Variants in RAI14 observed in about 807,000 individuals in gnomAD.
The protein encoded by RAI14 is ankycorbin.
In RAI14, 45 loss-of-function variants were observed where a neutral mutation model predicts 115.4. The observed-to-expected ratio is 0.39, with a 90% confidence interval of 0.31 to 0.50. The LOEUF is 0.50. Among genes scored for constraint, RAI14 ranks in the 20% least tolerant of loss-of-function variants. The pLI is 0.85. For synonymous variants in RAI14, 371 were observed against 415.4 expected, an observed-to-expected ratio of 0.89 and a Z score of 1.30; for missense variants, 939 against 1,131.2, an observed-to-expected ratio of 0.83 and a Z score of 2.44.
At chr5:34,715,289 C>T (rs1201593996) in intron 2 of RAI14, among the ~76,000 whole-genome samples, 4 of 152,002 alleles carry the variant, frequency 2.6e-5, no homozygotes, top group African/African-American at 4.8e-5. Flanking sequence ...TCATGGCACT[C>T]GTGGGGGAGT....
chr5:34,658,039 C>G (rs1473940824), intron 1 of RAI14, among the ~76,000 whole-genome samples: 1 of 152,188 alleles, frequency 6.6e-6, no homozygotes, highest in Non-Finnish European at 1.5e-5. Flanking sequence ...CAGTGCTTGT[C>G]TAACAGAGAT....
chr5:34,828,426 A>T (rs1249717892), intron 16 of RAI14, among the ~76,000 whole-genome samples: 1 of 152,194 alleles, frequency 6.6e-6, no homozygotes, highest in Non-Finnish European at 1.5e-5. Context: ...AGGAAGCCAG[A>T]TCAGAAGATA....
chr5:34,773,710 A>G (rs1172426892), intron 3 of RAI14, among the ~76,000 whole-genome samples: 1 of 152,230 alleles, frequency 6.6e-6, no homozygotes, highest in Non-Finnish European at 1.5e-5. Context: ...ATGAGATGTT[A>G]TCCTACCCCA....
chr5:34,699,874 G>A (rs1739825930), intron 2 of RAI14, among the ~76,000 whole-genome samples: 1 of 152,144 alleles, frequency 6.6e-6, no homozygotes, highest in Non-Finnish European at 1.5e-5. Context: ...AATTTCCAGT[G>A]GAAACTGACA....
chr5:34,699,184 A>G (rs870222), intron 2 of RAI14, among the ~76,000 whole-genome samples: 3,041 of 152,346 alleles, frequency 0.02, 98 homozygotes, highest in African/African-American at 0.069. Flanking sequence ...ACTAGGCATC[A>G]TTCTAAGCAA....
chr5:34,784,901 A>G (rs1300731144), intron 3 of RAI14, among the ~76,000 whole-genome samples: 1 of 152,224 alleles, frequency 6.6e-6, no homozygotes, highest in Non-Finnish European at 1.5e-5. Context: ...AATGTCCCCT[A>G]GTAATTTTTG....
chr5:34,686,611 T>C (rs1251654074), intron 1 of RAI14, among the ~76,000 whole-genome samples: 3 of 152,170 alleles, frequency 2.0e-5, no homozygotes, highest in African/African-American at 7.2e-5. Context: ...ACCATAAAAG[T>C]ATATACAATT....
intron 3 of RAI14, among the ~76,000 whole-genome samples, chr5:34,758,774 C>T (rs1202392286): frequency 6.6e-6 from 1 of 152,150 alleles, no homozygotes; most frequent in Admixed American, 6.5e-5. Context: ...AGGCATTGTT[C>T]GTGACTGCTC....
At chr5:34,742,448 T>C (rs1325869772) in intron 2 of RAI14, among the ~76,000 whole-genome samples, 2 of 152,226 alleles carry the variant, frequency 1.3e-5, no homozygotes, top group African/African-American at 4.8e-5. Flanking sequence ...CATACTTTTT[T>C]CAGACACCTA....
chr5:34,803,500 A>G lies in RAI14; in HGVS notation c.257-212A>G, dbSNP rs1754514921. Among the ~76,000 whole-genome samples, 3 of 152,208 alleles carry G rather than the reference A, an allele frequency of 2.0e-5. No homozygotes were observed. The South Asian group carries it at 6.2e-4, about 32-fold the overall frequency. ...TTAGCCTGGGAGGTTGAGGCTGCAG[A>G]GAGCCATGATCGCGTCACTGCATTC... On this transcript the variant is annotated intron_variant, in intron 4 of 17. Coordinates refer to ENST00000265109, the MANE Select transcript of RAI14 (RefSeq NM_015577.3).
chr5:34,750,948 G>T (rs1240056533), intron 2 of RAI14, among the ~76,000 whole-genome samples: 1 of 138,380 alleles, frequency 7.2e-6, no homozygotes, highest in African/African-American at 2.8e-5. Context: ...TGCCTCCCAG[G>T]TTCAAGTGAT....
intron 3 of RAI14, among the ~76,000 whole-genome samples, chr5:34,781,166 G>A (rs1418177086): frequency 1.5e-5 from 2 of 137,078 alleles, no homozygotes; most frequent in Non-Finnish European, 3.0e-5. Context: ...GGTGGGAATC[G>A]AACAATGAGA....
At chr5:34,668,415 G>A (rs188998252) in intron 1 of RAI14, among the ~76,000 whole-genome samples, 2,455 of 150,318 alleles carry the variant, frequency 0.016, 31 homozygotes, top group Non-Finnish European at 0.024. Flanking sequence ...AAAAAGGTGG[G>A]CCCCACGAAG....
At position 34,823,840 on chromosome 5, in the gene RAI14, A is replaced by G. The variant is rs1458972726; in HGVS notation, c.1998A>G (p.Lys666=). ...AGCTGGAGGATTACAGGAAGAGGAA[A>G]TCTCTAGAGGATGTCACAGCTGAAT... ...QAELEDYRKR[K]SLEDVTAEYI... Residue 666 remains lysine (K), a synonymous_variant, in exon 15 of 18, where the codon AAA becomes AAG. Transcript: ENST00000265109. This position sits in a 1 kb window ranked among gnomAD's most constrained non-coding sequence, Gnocchi z 4.5. The G allele has an allele frequency of 6.2e-7, 1 of 1,614,012 alleles. No homozygotes were observed. Among genetic ancestry groups the G allele is most frequent in the African/African-American group, 1.3e-5 (1 of 74,948 alleles).
intron 1 of RAI14, among the ~76,000 whole-genome samples, chr5:34,668,819 A>G (rs977917272): frequency 2.0e-5 from 3 of 152,054 alleles, no homozygotes; most frequent in African/African-American, 7.2e-5. Context: ...CATGATGTAT[A>G]CAGCCACTCA....
chr5:34,761,045 C>A (rs1039570531), intron 3 of RAI14, among the ~76,000 whole-genome samples: 3 of 152,186 alleles, frequency 2.0e-5, no homozygotes, highest in Non-Finnish European at 2.9e-5. Flanking sequence ...AAGGCTCACC[C>A]GAGTTGTAGC....
intron 2 of RAI14, among the ~76,000 whole-genome samples, chr5:34,718,756 C>G (rs933776241): frequency 1.1e-4 from 17 of 152,176 alleles, no homozygotes; most frequent in African/African-American, 4.1e-4. Flanking sequence ...CCAGCTTCCT[C>G]GTCTTTAAAA....
chr5:34,813,649 A>G lies in RAI14; in HGVS notation c.841A>G (p.Ser281Gly). 1 of 1,607,628 alleles carries G rather than the reference A, an allele frequency of 6.2e-7. No individual in the cohort carries two copies. The highest frequency in any genetic ancestry group is 8.5e-7 in the Non-Finnish European group (1 of 1,176,016). Residue 281 changes from serine (S) to glycine (G), a missense_variant, in exon 11 of 18, where the codon AGT (serine) becomes GGT (glycine). Coordinates refer to ENST00000265109, the MANE Select transcript of RAI14 (RefSeq NM_015577.3). The part of the protein sequence containing the change: ...KKRKAPPPPI[S>G]PTQLSDVSSP... ...ACGCAAAGCTCCACCACCTCCTATC[A>G]GTCCTACCCAGGTAAAAACAAAAGC...
intron 4 of RAI14, among the ~76,000 whole-genome samples, chr5:34,801,354 T>C (rs995944240): frequency 6.6e-6 from 1 of 152,226 alleles, no homozygotes; most frequent in Non-Finnish European, 1.5e-5. Flanking sequence ...ACCATAGCCC[T>C]ATGGCCCACT....
Sources: gnomAD v4.1 joint callset for allele counts (sites outside exome capture counted in the v4.1 genomes callset) on GRCh38, gnomAD v4.1.1 for gene constraint, Gnocchi (gnomAD v3.1) non-coding constraint, MANE v1.5 for transcripts, NCBI Gene and HGNC (gene_info 2026-07-23, HGNC 2026-07-21) for gene names.